Variants in GREB1 observed in about 807,000 individuals in gnomAD.
GREB1 encodes the protein growth regulating estrogen receptor binding 1, also known as protein GREB1.
A neutral mutation model predicts 200.7 loss-of-function variants in GREB1; 106 were observed. The ratio of observed to expected loss-of-function variants is 0.53; its 90% CI spans 0.45 to 0.62. GREB1 has a LOEUF of 0.62. Among genes scored for constraint, GREB1 ranks in the 20% least tolerant of loss-of-function variants. The pLI is 0.00. For missense variants in GREB1, 2,243 were observed against 2,556.8 expected (o/e 0.88, Z 2.65); for synonymous variants, 1,132 against 1,092.4 (o/e 1.04, Z -0.72).
Position 11,642,122 on chromosome 2 carries a change from T to G in GREB1, c.*1668T>G, listed in dbSNP as rs1259091998. ...CAATTTAATCATCAGAATGCATTCT[T>G]TTTTTTTTCGGAGACGGAGTTTCAC... On this transcript the variant is annotated 3_prime_UTR_variant, in exon 33 of 33. Coordinates refer to ENST00000381486, the MANE Select transcript of GREB1 (RefSeq NM_014668.4). 1 of 151,556 alleles carries G rather than the reference T, an allele frequency of 6.6e-6. No individual in the cohort carries two copies. The highest frequency in any genetic ancestry group is 1.5e-5 in the Non-Finnish European group (1 of 67,812). The allele number at this position is 151,556 out of a possible 1,614,324, so 9.4% of individuals were successfully genotyped here. A position where few individuals can be genotyped will look rare whatever the true frequency, so the allele number is the denominator to read the frequency against.
intron 2 of GREB1, among the ~76,000 whole-genome samples, chr2:11,559,717 C>A (rs928558073): frequency 6.6e-6 from 1 of 152,214 alleles, no homozygotes; most frequent in East Asian, 1.9e-4. Context: ...TACTGCCTTG[C>A]TGGCGCCTGG....
chr2:11,594,047 C>T (rs768216255), intron 11 of GREB1, among the ~76,000 whole-genome samples: 5 of 151,868 alleles, frequency 3.3e-5, no homozygotes, highest in Admixed American at 6.6e-5. Context: ...TTTGTCACCT[C>T]GGCTGAAGTG....
intron 2 of GREB1, among the ~76,000 whole-genome samples, chr2:11,560,433 G>A (rs1028809809): frequency 6.6e-6 from 1 of 152,194 alleles, no homozygotes; most frequent in African/African-American, 2.4e-5. Context: ...GGGCATGGTG[G>A]CTCGTGCCTA....
chr2:11,563,556 A>G (rs910938666), intron 3 of GREB1, among the ~76,000 whole-genome samples: 1 of 152,238 alleles, frequency 6.6e-6, no homozygotes, highest in Admixed American at 6.5e-5. Flanking sequence ...GTTAGTGGCG[A>G]GAACATCAGC....
intron 3 of GREB1, among the ~76,000 whole-genome samples, chr2:11,565,479 A>G (rs1053798986): frequency 1.3e-5 from 2 of 152,208 alleles, no homozygotes; most frequent in Non-Finnish European, 2.9e-5. Context: ...CAGGACTCCC[A>G]GAGAGGTCTC....
chr2:11,498,928 T>G (rs1672957681), intron 1 of GREB1, among the ~76,000 whole-genome samples: 1 of 152,200 alleles, frequency 6.6e-6, no homozygotes, highest in South Asian at 2.1e-4. Flanking sequence ...GCAGAGAACA[T>G]GTGGAACTCA....
At chr2:11,588,502 T>C (rs540300658) in intron 9 of GREB1, 36 of 553,022 alleles carry the variant, frequency 6.5e-5, no homozygotes, top group Non-Finnish European at 1.1e-4. Context: ...AATAAGAGGA[T>C]TGGACGAAAT....
chr2:11,531,213 A>G (rs986314378), upstream of GREB1, among the ~76,000 whole-genome samples: 17 of 152,134 alleles, frequency 1.1e-4, no homozygotes, highest in Non-Finnish European at 1.2e-4. Context: ...GTGGGAGTGT[A>G]GTTGCTTGAC....
chr2:11,621,678 G>A (rs755779041), intron 23 of GREB1, among the ~76,000 whole-genome samples: 3 of 152,190 alleles, frequency 2.0e-5, no homozygotes, highest in East Asian at 1.9e-4. Context: ...CTTGTCAGAC[G>A]AGTCCTGTCT....
intron 2 of GREB1, among the ~76,000 whole-genome samples, chr2:11,557,520 G>A (rs915317939): frequency 9.2e-5 from 14 of 152,216 alleles, no homozygotes; most frequent in African/African-American, 3.4e-4. Flanking sequence ...GAGTGAGCCA[G>A]GTCTTGTGCT....
At chr2:11,519,393 A>T (rs1333397208) in intron 1 of GREB1, among the ~76,000 whole-genome samples, 2 of 142,058 alleles carry the variant, frequency 1.4e-5, no homozygotes, top group Non-Finnish European at 1.5e-5. Context: ...GTATTCTCTG[A>T]TTATCCTGTA....
chr2:11,504,552 G>T (rs1673128561), intron 1 of GREB1, among the ~76,000 whole-genome samples: 1 of 152,110 alleles, frequency 6.6e-6, no homozygotes, highest in Admixed American at 6.5e-5. Flanking sequence ...TTCCTTCCTT[G>T]CTTGGAAACC....
At chr2:11,489,904 C>T (rs976937334) in intron 1 of GREB1, among the ~76,000 whole-genome samples, 6 of 150,588 alleles carry the variant, frequency 4.0e-5, no homozygotes, top group African/African-American at 1.5e-4. Context: ...ATGTCAGAAC[C>T]GTATTATTAT....
chr2:11,588,599 G>T, intron 9 of GREB1, 147 bp from the exon 10 acceptor site: 1 of 768,676 alleles, frequency 1.3e-6, no homozygotes, highest in Non-Finnish European at 2.3e-6. Flanking sequence ...TGCACTCAAT[G>T]AGCAAGGCTT....
In GREB1 at chr2:11,641,173, T is replaced by C. The variant is rs985130326; in HGVS notation, c.*719T>C. 1 of 151,980 alleles carries C rather than the reference T, an allele frequency of 6.6e-6. No individual in the cohort carries two copies. The highest frequency in any genetic ancestry group is 1.5e-5 in the Non-Finnish European group (1 of 68,012). 9.4% of individuals were successfully genotyped at this position (151,980 alleles called of 1,614,324 possible). ...GGAGTTGGCGGGGAGGAAATAAGGC[T>C]AACAGAGGTTGACCTAAAATTAGCC... On this transcript the variant is annotated 3_prime_UTR_variant, in exon 33 of 33. Coordinates refer to ENST00000381486, the MANE Select transcript of GREB1 (RefSeq NM_014668.4).
In GREB1 at chr2:11,640,519, G is replaced by A; in HGVS notation, c.*65G>A. The stretch of plus-strand genomic sequence containing the variant: ...GAGCCCTCATGCTGTTGAGGCTAAA[G>A]GGAGGCCTGGAACGGTGGGGCGTTT... On this transcript the variant is annotated 3_prime_UTR_variant, in exon 33 of 33. Coordinates refer to ENST00000381486, the MANE Select transcript of GREB1 (RefSeq NM_014668.4). This position sits in a 1 kb window ranked among gnomAD's most constrained non-coding sequence, Gnocchi z 4.6. 14 of 1,573,498 alleles carry A rather than the reference G, an allele frequency of 8.9e-6. No homozygotes were observed. Among genetic ancestry groups the A allele is most frequent in the Non-Finnish European group, 1.0e-5 (12 of 1,146,524 alleles).
chr2:11,589,883 G>C (rs1255723734), intron 10 of GREB1, among the ~76,000 whole-genome samples: 1 of 152,284 alleles, frequency 6.6e-6, no homozygotes. Flanking sequence ...CTGTCTTGGC[G>C]TGAGTTTGTA....
At position 11,615,100 on chromosome 2, in the gene GREB1, G is replaced by A. The variant is rs1235434798; in HGVS notation, c.3132G>A (p.Arg1044=). The A allele has an allele frequency of 1.2e-6, 2 of 1,613,340 alleles. No individual in the cohort carries two copies. Among genetic ancestry groups the A allele is most frequent in the Admixed American group, 3.3e-5 (2 of 60,008 alleles). Residue 1044 remains arginine (R), a synonymous_variant, in exon 20 of 33, where the codon AGG becomes AGA. Coordinates refer to ENST00000381486, the MANE Select transcript of GREB1 (RefSeq NM_014668.4). ...TTCTGTGTCTTGCTAGGTCTTTGAG[G>A]TACTGTGACCTGCGATTGATAAACT... The part of the protein sequence containing the change: ...PHGESLPRSL[R]YCDLRLINSS...
chr2:11,638,725 G>C lies in GREB1; in HGVS notation c.5602G>C (p.Asp1868His), dbSNP rs769974798. 2 of 1,614,040 alleles carry C rather than the reference G, an allele frequency of 1.2e-6. No individual in the cohort carries two copies. Among genetic ancestry groups the C allele is most frequent in the Non-Finnish European group, 1.7e-6 (2 of 1,179,908 alleles). The change falls in exon 32 of 33, where the codon GAC (aspartate) becomes CAC (histidine). Residue 1868 changes from aspartate to histidine, a missense_variant. By Grantham distance (81) the Asp-to-His change is moderately conservative. Coordinates refer to ENST00000381486, the MANE Select transcript of GREB1 (RefSeq NM_014668.4). ...CCACTCTTTAAACATCAGCTGCTCG[G>C]ACTTGCTGTTCAGTGGGCTGCTGCT... Reference protein sequence around the residue: ...RPHSLNISCSDLLFSGLLLYL... With the variant: ...RPHSLNISCSHLLFSGLLLYL...
Sources: gnomAD v4.1 joint callset for allele counts (sites outside exome capture counted in the v4.1 genomes callset) on GRCh38, gnomAD v4.1.1 for gene constraint, Gnocchi (gnomAD v3.1) non-coding constraint, MANE v1.5 for transcripts, NCBI Gene and HGNC (gene_info 2026-07-23, HGNC 2026-07-21) for gene names.